PAPPA: variants seen among roughly 807,000 people sequenced by gnomAD.
PAPPA encodes pappalysin 1.
Under a neutral mutation model 164.0 loss-of-function variants are expected in PAPPA, and 60 were observed. The observed-to-expected ratio is 0.37, with a 90% CI of 0.30 to 0.45. PAPPA has a LOEUF of 0.45. PAPPA is among the 20% of genes least tolerant of loss of function. The pLI is 1.00. For synonymous variants in PAPPA, 875 were observed against 814.1 expected (o/e 1.07, Z -1.27); for missense variants, 1,782 against 2,087.3 (o/e 0.85, Z 2.85).
At chr9:116,297,677 T>A (rs1587992591) in intron 9 of PAPPA, among the ~76,000 whole-genome samples, 2 of 152,238 alleles carry the variant, frequency 1.3e-5, no homozygotes, top group South Asian at 4.1e-4. Context: ...CCTTGGCATT[T>A]ATATTGAAAA....
intron 13 of PAPPA, among the ~76,000 whole-genome samples, chr9:116,342,757 C>A (rs2118972857): frequency 6.6e-6 from 1 of 152,220 alleles, no homozygotes; most frequent in South Asian, 2.1e-4. Flanking sequence ...AACATAAAAG[C>A]CTTGAGGTTC....
At chr9:116,189,021 A>G (rs1334942276) in intron 2 of PAPPA, among the ~76,000 whole-genome samples, 1 of 152,194 alleles carries the variant, frequency 6.6e-6, no homozygotes, top group Non-Finnish European at 1.5e-5. Flanking sequence ...CTAGATGATC[A>G]AAGAGAAAAA....
chr9:116,321,711 A>G (rs142921591), intron 10 of PAPPA, among the ~76,000 whole-genome samples: 1,756 of 152,324 alleles, frequency 0.012, 38 homozygotes, highest in African/African-American at 0.041. Context: ...ATGCGTCACC[A>G]ATCTTATAAA....
intron 10 of PAPPA, among the ~76,000 whole-genome samples, chr9:116,322,952 TGG>T (rs1845878003): frequency 6.6e-6 from 1 of 152,150 alleles, no homozygotes; most frequent in Admixed American, 6.5e-5. Context: ...TTGGAGAGGT[TGG>T]ACTAGAGGCT....
rs761317607 is a variant in PAPPA at position 116,265,884 on chromosome 9, G to T, written c.2760G>T (p.Gln920His). 7 of 1,609,986 alleles carry T rather than the reference G, an allele frequency of 4.3e-6. No individual in the cohort carries two copies. Among genetic ancestry groups the T allele is most frequent in the East Asian group, 4.5e-5 (2 of 44,816 alleles). The change falls in exon 8 of 22, where the codon CAG becomes CAT. Residue 920 changes from glutamine (Q) to histidine (H), a missense_variant. By Grantham distance (24) the Gln-to-His change is conservative. Transcript: ENST00000328252. ...DMDLNLGSVY[Q>H]YWVITISGTE... ...ATCTAAATCTTGGCAGTGTGTACCA[G>T]TATTGGGTCATAACTATTTCAGGAA...
At chr9:116,288,449 T>TCCCTC (rs1564211674) in intron 9 of PAPPA, among the ~76,000 whole-genome samples, 1 of 70,028 alleles carries the variant, frequency 1.4e-5, no homozygotes, top group Non-Finnish European at 3.0e-5. Flanking sequence ...CTCCCTCCCT[T>TCCCTC]CCTTCCTTCC....
intron 15 of PAPPA, among the ~76,000 whole-genome samples, chr9:116,348,954 G>A (rs1034999472): frequency 1.3e-5 from 2 of 152,060 alleles, no homozygotes; most frequent in African/African-American, 4.8e-5. Flanking sequence ...AATAGTAAAA[G>A]CACTAATTTT....
intron 9 of PAPPA, among the ~76,000 whole-genome samples, chr9:116,278,208 CTT>C (rs1038154739): frequency 6.6e-6 from 1 of 152,192 alleles, no homozygotes; most frequent in Non-Finnish European, 1.5e-5. Context: ...GCTAAGAACT[CTT>C]TGTAAAAATG....
rs1844471179 is a variant in PAPPA, at chr9:116,223,643, C to A, written c.2111+3514C>A. On this transcript the variant is annotated intron_variant, in intron 5 of 21. Coordinates refer to ENST00000328252, the MANE Select transcript of PAPPA (RefSeq NM_002581.5). ...GGTTAGCAGCTACGTTGACCATAGT[C>A]TATGGCTAAAAGAAGTCAGTCCACA... is the stretch of plus-strand genomic sequence containing the variant. Among the ~76,000 whole-genome samples the A allele has an allele frequency of 2.0e-5, 3 of 152,162 alleles. No homozygotes were observed. The South Asian group carries it at 6.2e-4, about 32-fold the overall frequency.
At chr9:116,171,118 GA>G (rs1843771120) in intron 1 of PAPPA, among the ~76,000 whole-genome samples, 1 of 152,158 alleles carries the variant, frequency 6.6e-6, no homozygotes, top group African/African-American at 2.4e-5. Context: ...GCAGGTACTG[GA>G]AAAACAATAG....
chr9:116,376,471 A>C lies in PAPPA; in HGVS notation c.4606-1105A>C, dbSNP rs555917906. Among the ~76,000 whole-genome samples the C allele has an allele frequency of 4.6e-5, 7 of 152,252 alleles. No individual in the cohort carries two copies. The South Asian group carries it at 1.2e-3, about 27-fold the overall frequency. On this transcript the variant is annotated intron_variant, in intron 19 of 21. Coordinates refer to ENST00000328252, the MANE Select transcript of PAPPA (RefSeq NM_002581.5). Reference sequence around the variant, plus strand: ...TAAATCATTTCTGAAACAACTGGTTATTTTCAAATCCTGGTTTCTCCACCA... The same window carrying C: ...TAAATCATTTCTGAAACAACTGGTTCTTTTCAAATCCTGGTTTCTCCACCA...
At position 116,359,362 on chromosome 9, in the gene PAPPA, A is replaced by G. The variant is rs1846394291; in HGVS notation, c.4348-3230A>G. ...AGCAGCAGGGGAGTTAGAGCTCAAT[A>G]TGCGCTTGTAAAAACAGATGCACAG... is the stretch of plus-strand genomic sequence containing the variant. On this transcript the variant is annotated intron_variant, in intron 17 of 21. Coordinates refer to ENST00000328252, the MANE Select transcript of PAPPA (RefSeq NM_002581.5). 3.3e-5 allele frequency among the ~76,000 whole-genome samples: 5 copies of G among 152,198 alleles called. No homozygotes were observed. In the South Asian group the frequency reaches 1.0e-3, roughly 32 times the overall value.
chr9:116,157,545 A>T (rs962790445), intron 1 of PAPPA, among the ~76,000 whole-genome samples: 1 of 152,060 alleles, frequency 6.6e-6, no homozygotes, highest in Non-Finnish European at 1.5e-5. Flanking sequence ...GGGTCCTCAG[A>T]GGTTACCCAA....
At chr9:116,250,954 G>C (rs551432811) in intron 7 of PAPPA, among the ~76,000 whole-genome samples, 77 of 152,298 alleles carry the variant, frequency 5.1e-4, no homozygotes, top group African/African-American at 1.8e-3. Context: ...AAATCTTAGA[G>C]AGCTGACATA....
chr9:116,200,275 A>G (rs898364596), intron 2 of PAPPA, among the ~76,000 whole-genome samples: 2 of 152,194 alleles, frequency 1.3e-5, no homozygotes, highest in Non-Finnish European at 2.9e-5. Flanking sequence ...TGAAAACCTC[A>G]GTGGCTTCTG....
chr9:116,388,652 T>G (rs2118720127), intron 21 of PAPPA, among the ~76,000 whole-genome samples: 1 of 152,304 alleles, frequency 6.6e-6, no homozygotes, highest in Non-Finnish European at 1.5e-5. Flanking sequence ...GTCTAATAAC[T>G]CAACATAACA....
intron 9 of PAPPA, among the ~76,000 whole-genome samples, chr9:116,284,012 T>C (rs1043739564): frequency 5.9e-5 from 9 of 152,220 alleles, no homozygotes; most frequent in African/African-American, 2.2e-4. Flanking sequence ...ATTGTTATGA[T>C]ATATTGTTTT....
chr9:116,189,991 G>A (rs1200270523), intron 2 of PAPPA, among the ~76,000 whole-genome samples: 1 of 152,218 alleles, frequency 6.6e-6, no homozygotes, highest in Non-Finnish European at 1.5e-5. Context: ...CAGCCCATGT[G>A]AGGAGAAGCC....
intron 4 of PAPPA, among the ~76,000 whole-genome samples, chr9:116,213,400 T>C (rs1335974815): frequency 6.6e-6 from 1 of 151,764 alleles, no homozygotes; most frequent in Non-Finnish European, 1.5e-5. Context: ...CCATAAAGAG[T>C]CTTAGATTTG....
Sources: gnomAD v4.1 joint callset for allele counts (sites outside exome capture counted in the v4.1 genomes callset) on GRCh38, gnomAD v4.1.1 for gene constraint, MANE v1.5 for transcripts, NCBI Gene and HGNC (gene_info 2026-07-23, HGNC 2026-07-21) for gene names.